The following ASH1L variants were observed in gnomAD, a reference collection of about 807,000 sequenced individuals.
ASH1L encodes the protein histone-lysine N-methyltransferase ASH1L.
ASH1L carries 23 observed loss-of-function variants against 269.0 expected under a neutral mutation model. That is an observed-to-expected ratio of 0.09 (90% CI 0.06 to 0.12). The LOEUF is 0.12. ASH1L is among the 10% of genes least tolerant of loss of function. ASH1L has a pLI of 1.00. For missense variants in ASH1L, 2,912 were observed against 3,567.8 expected (o/e 0.82, Z 4.68); for synonymous variants, 1,187 against 1,253.5 (o/e 0.95, Z 1.12).
At chr1:155,552,577 C>T (rs1251174502) in intron 1 of ASH1L, among the ~76,000 whole-genome samples, 1 of 152,046 alleles carries the variant, frequency 6.6e-6, no homozygotes, top group Non-Finnish European at 1.5e-5. Context: ...ACCCGGGAGG[C>T]AGAGCTTGCA....
intron 21 of ASH1L, chr1:155,346,133 CA>C (rs1246158022): frequency 4.4e-6 from 6 of 1,376,998 alleles, no homozygotes; most frequent in East Asian, 3.8e-5. Context: ...CGTGCCCGGC[CA>C]AAAACCTTAG....
Position 155,370,346 on chromosome 1 carries a change from G to GA in ASH1L, c.6686+157dup, listed in dbSNP as rs150523723. 2,800 of 837,964 alleles carry GA rather than the reference G, an allele frequency of 3.3e-3. 51 individuals are homozygous for GA. In the African/African-American group the frequency reaches 0.038, roughly 11 times the overall value. 51.9% of individuals were successfully genotyped at this position (837,964 alleles called of 1,614,324 possible). A position where few individuals can be genotyped will look rare whatever the true frequency, so the allele number is the denominator to read the frequency against. On this transcript the variant is annotated intron_variant, in intron 12 of 27. Coordinates refer to ENST00000392403, the MANE Select transcript of ASH1L (RefSeq NM_018489.3). ...CTGTCTGGGAGTGAGAAGTTAGGGT[G>GA]AAAACGAAGCAGCTTACTCTGCCCG...
At chr1:155,535,675 G>A (rs1345784741) in intron 1 of ASH1L, among the ~76,000 whole-genome samples, 4 of 150,882 alleles carry the variant, frequency 2.7e-5, no homozygotes, top group Non-Finnish European at 1.5e-5. Context: ...GTATAAATTA[G>A]CGACACAAGA....
intron 7 of ASH1L, among the ~76,000 whole-genome samples, chr1:155,390,413 A>C (rs901874165): frequency 3.9e-5 from 6 of 152,214 alleles, no homozygotes; most frequent in African/African-American, 1.4e-4. Flanking sequence ...TATATGTTTG[A>C]GAAAGAAGTA....
At chr1:155,447,319 G>A (rs977488881) in intron 4 of ASH1L, among the ~76,000 whole-genome samples, 6 of 152,080 alleles carry the variant, frequency 3.9e-5, no homozygotes, top group African/African-American at 1.2e-4. Context: ...ACAATTAGGT[G>A]ATTTTTCTCA....
intron 1 of ASH1L, among the ~76,000 whole-genome samples, chr1:155,551,652 T>TC (rs1226516488): frequency 8.3e-6 from 1 of 119,880 alleles, no homozygotes; most frequent in African/African-American, 3.3e-5. Context: ...AGAGCGAGAC[T>TC]CCGTCTCAAA....
At chr1:155,348,898 A>AT (rs56262435) in intron 19 of ASH1L, among the ~76,000 whole-genome samples, 75,606 of 128,616 alleles carry the variant, frequency 0.59, 23,986 homozygotes, top group East Asian at 0.79. Flanking sequence ...AAAAAAAAAA[A>AT]AATATATATA....
chr1:155,553,108 CAG>C (rs1671328714), intron 1 of ASH1L, among the ~76,000 whole-genome samples: 1 of 152,134 alleles, frequency 6.6e-6, no homozygotes, highest in Non-Finnish European at 1.5e-5. Flanking sequence ...AATCTGATTT[CAG>C]AGTCTATGAT....
intron 6 of ASH1L, among the ~76,000 whole-genome samples, chr1:155,411,578 A>AT (rs1558075462): frequency 4.7e-5 from 1 of 21,128 alleles, no homozygotes; most frequent in South Asian, 2.2e-3. Context: ...AATATAAATA[A>AT]ATAAATAAAT....
chr1:155,386,529 G>A (rs1224125828), intron 7 of ASH1L, among the ~76,000 whole-genome samples: 4 of 150,944 alleles, frequency 2.6e-5, no homozygotes, highest in Admixed American at 2.0e-4. Flanking sequence ...GGGATTACAG[G>A]CACGTGCCAC....
intron 5 of ASH1L, among the ~76,000 whole-genome samples, chr1:155,418,560 A>G (rs547729687): frequency 6.6e-6 from 1 of 152,300 alleles, no homozygotes; most frequent in South Asian, 2.1e-4. Context: ...CTTGTAAAGG[A>G]AAACAACAAA....
chr1:155,505,193 C>T (rs1667734895), intron 2 of ASH1L, among the ~76,000 whole-genome samples: 1 of 152,102 alleles, frequency 6.6e-6, no homozygotes, highest in South Asian at 2.1e-4. Context: ...ACTGAGAAAA[C>T]CCTGTGAGAC....
chr1:155,394,929 G>A (rs1658226164), intron 7 of ASH1L, among the ~76,000 whole-genome samples: 1 of 152,126 alleles, frequency 6.6e-6, no homozygotes, highest in South Asian at 2.1e-4. Flanking sequence ...TACAGACATA[G>A]TGTTATTTAT....
At position 155,343,396 on chromosome 1, in the gene ASH1L, A is replaced by G; in HGVS notation, c.8211T>C (p.Phe2737=). Residue 2737 remains phenylalanine, a synonymous_variant, in exon 24 of 28, where the codon TTT becomes TTC. Transcript: ENST00000392403. The surrounding 1 kb of genome is among the most constrained non-coding windows in gnomAD (Gnocchi z 6.1). ...PSRRFYHNEL[F]RVPLYEIIPL... ...GAATGATCTCATAGAGTGGCACCCG[A>G]AATAGTTCATTATGATAGAACCGAC... The G allele has an allele frequency of 6.2e-7, 1 of 1,614,240 alleles. No homozygotes were observed. The highest frequency in any genetic ancestry group is 8.5e-7 in the Non-Finnish European group (1 of 1,180,050).
At chr1:155,556,889 A>G (rs1360595729) in intron 1 of ASH1L, among the ~76,000 whole-genome samples, 1 of 152,172 alleles carries the variant, frequency 6.6e-6, no homozygotes, top group African/African-American at 2.4e-5. Context: ...AAAAAATTAA[A>G]AATTAGCCAG....
At chr1:155,445,933 G>A (rs531496323) in intron 4 of ASH1L, among the ~76,000 whole-genome samples, 14 of 150,190 alleles carry the variant, frequency 9.3e-5, no homozygotes, top group Non-Finnish European at 1.5e-4. Context: ...AGGTCTCACT[G>A]TTACCCACAC....
At chr1:155,344,573 G>A (rs973934934) in intron 21 of ASH1L, 4 of 236,208 alleles carry the variant, frequency 1.7e-5, no homozygotes, top group African/African-American at 4.5e-5. Context: ...CAATGATTGG[G>A]GTATGCTACT....
intron 17 of ASH1L, among the ~76,000 whole-genome samples, chr1:155,352,310 A>AG (rs1158345673): frequency 6.6e-6 from 1 of 151,272 alleles, no homozygotes; most frequent in South Asian, 2.1e-4. Flanking sequence ...AAAAAAAAAA[A>AG]AAAAAAAAAA....
At chr1:155,555,491 T>C (rs1276795724) in intron 1 of ASH1L, among the ~76,000 whole-genome samples, 47 of 130,776 alleles carry the variant, frequency 3.6e-4, no homozygotes, top group African/African-American at 1.3e-3. Context: ...AGTGAGACTC[T>C]GTCTCAAAAA....
Sources: gnomAD v4.1 joint callset for allele counts (sites outside exome capture counted in the v4.1 genomes callset) on GRCh38, gnomAD v4.1.1 for gene constraint, Gnocchi (gnomAD v3.1) non-coding constraint, MANE v1.5 for transcripts, NCBI Gene and HGNC (gene_info 2026-07-23, HGNC 2026-07-21) for gene names.